The following HMCN1 variants were observed in gnomAD, a reference collection of about 807,000 sequenced individuals.
HMCN1 encodes the protein hemicentin-1.
In HMCN1, 321 loss-of-function variants were observed where a neutral mutation model predicts 625.9. The ratio of observed to expected loss-of-function variants is 0.51; its 90% CI spans 0.47 to 0.56. The LOEUF is 0.56. Among genes scored for constraint, HMCN1 ranks in the 20% least tolerant of loss-of-function variants. The pLI is 0.00. For synonymous variants in HMCN1, 2,425 were observed against 2,417.6 expected (o/e 1.00, Z -0.09); for missense variants, 6,588 against 6,887.3 (o/e 0.96, Z 1.54).
At chr1:185,973,308 G>A (rs1650960799) in intron 15 of HMCN1, among the ~76,000 whole-genome samples, 1 of 151,982 alleles carries the variant, frequency 6.6e-6, no homozygotes, top group Admixed American at 6.6e-5. Context: ...AAAATCATAT[G>A]GAAATGCCTA....
intron 83 of HMCN1, among the ~76,000 whole-genome samples, chr1:186,129,221 G>A (rs1043978406): frequency 6.7e-6 from 1 of 148,324 alleles, no homozygotes; most frequent in Non-Finnish European, 1.5e-5. Context: ...AAACTTAAAT[G>A]AGGAGAGCAT....
chr1:186,103,453 T>A lies in HMCN1; in HGVS notation c.10574-19T>A. ...ATGAAACTGTGGGTTTATTATTATT[T>A]TTGATTCCCTTTAAATAGAACCACC... On this transcript the variant is annotated intron_variant, in intron 68 of 106. Coordinates refer to ENST00000271588, the MANE Select transcript of HMCN1 (RefSeq NM_031935.3). The A allele has an allele frequency of 6.3e-7, 1 of 1,599,652 alleles. No individual in the cohort carries two copies. The highest frequency in any genetic ancestry group is 1.1e-5 in the South Asian group (1 of 90,720).
chr1:185,945,872 TAGAATTGG>T (rs1317374665), intron 11 of HMCN1, among the ~76,000 whole-genome samples: 2 of 152,194 alleles, frequency 1.3e-5, no homozygotes, highest in African/African-American at 4.8e-5. Context: ...TCTTTTGATA[TAGAATTGG>T]AGGAATCATT....
intron 57 of HMCN1, among the ~76,000 whole-genome samples, chr1:186,085,356 C>T (rs1659407576): frequency 6.6e-6 from 1 of 152,122 alleles, no homozygotes; most frequent in Non-Finnish European, 1.5e-5. Flanking sequence ...CTGGAGAAGG[C>T]TGTCCACCTG....
In HMCN1 at chr1:185,734,854, C is replaced by T. The variant is rs772823654; in HGVS notation, c.75C>T (p.Ser25=). The change falls in exon 1 of 107, where the codon AGC becomes AGT. Residue 25 remains serine, a synonymous_variant. Coordinates refer to ENST00000271588, the MANE Select transcript of HMCN1 (RefSeq NM_031935.3). ...ATTCTTCCCTAGCTCAAGATGCGAG[C>T]CCCCAGTCAGAGATCAGAGCTGAGG... ...LLYSSLAQDA[S]PQSEIRAEEI... 6.2e-7 allele frequency: 1 copy of T among 1,613,672 alleles called. No individual in the cohort carries two copies.
At chr1:185,948,616 G>A (rs1226233696) in intron 11 of HMCN1, among the ~76,000 whole-genome samples, 1 of 151,618 alleles carries the variant, frequency 6.6e-6, no homozygotes, top group Non-Finnish European at 1.5e-5. Flanking sequence ...CAGTTAAGGT[G>A]GGGCAGGGCA....
At chr1:185,825,056 G>T (rs914502892) in intron 1 of HMCN1, among the ~76,000 whole-genome samples, 5 of 152,024 alleles carry the variant, frequency 3.3e-5, no homozygotes, top group Non-Finnish European at 7.4e-5. Flanking sequence ...TAATATAATA[G>T]AAAGTAAAAA....
chr1:186,070,797 A>C, intron 52 of HMCN1, 40 bp downstream of exon 52: 4 of 1,597,312 alleles, frequency 2.5e-6, no homozygotes, highest in Non-Finnish European at 3.4e-6. Context: ...GATTTCTTAA[A>C]GACTAAAATG....
In HMCN1 at chr1:186,038,918, G is replaced by T. The variant is rs763658772; in HGVS notation, c.5941G>T (p.Ala1981Ser). 3.1e-6 allele frequency: 5 copies of T among 1,606,306 alleles called. No homozygotes were observed. The highest frequency in any genetic ancestry group is 4.3e-6 in the Non-Finnish European group (5 of 1,173,056). The part of the protein sequence containing the change: ...NRGQIIDIES[A>S]QISDAGIYKC... ...AGGACAGATCATTGATATTGAAAGTGCCCAGATCTCAGATGCTGGCATATA... is the reference window on the plus strand; with the variant it reads ...AGGACAGATCATTGATATTGAAAGTTCCCAGATCTCAGATGCTGGCATATA... The change falls in exon 38 of 107, where the codon GCC (alanine) becomes TCC (serine). Residue 1981 changes from alanine to serine, a missense_variant. This residue lies in a region of HMCN1 where 4,628 missense variants were observed against 4,853.1 expected (regional missense o/e 0.95). Transcript: ENST00000271588.
At chr1:185,970,977 C>G (rs921003254) in intron 15 of HMCN1, among the ~76,000 whole-genome samples, 1 of 151,932 alleles carries the variant, frequency 6.6e-6, no homozygotes, top group African/African-American at 2.4e-5. Context: ...AGGTACCGTT[C>G]GCTGTGTCAA....
At chr1:185,769,283 A>T (rs1018296911) in intron 1 of HMCN1, among the ~76,000 whole-genome samples, 1 of 151,634 alleles carries the variant, frequency 6.6e-6, no homozygotes, top group Non-Finnish European at 1.5e-5. Flanking sequence ...CTTCATCTTT[A>T]AAAAAAATGA....
chr1:186,072,902 C>A (rs1003783915), intron 52 of HMCN1, among the ~76,000 whole-genome samples: 5 of 152,318 alleles, frequency 3.3e-5, no homozygotes, highest in African/African-American at 1.2e-4. Context: ...ATGACACAAT[C>A]TGACTTAAGG....
At position 186,114,859 on chromosome 1, in the gene HMCN1, G is replaced by A. The variant is rs1268584037; in HGVS notation, c.11317G>A (p.Ala3773Thr). Reference sequence around the variant, plus strand: ...AAATGGATTCCTTCATATTCAATCAGCACATGTCACTGACACTGGACGGTA... The same window carrying A: ...AAATGGATTCCTTCATATTCAATCAACACATGTCACTGACACTGGACGGTA... Reference protein sequence around the residue: ...LENGFLHIQSAHVTDTGRYLC... With the variant: ...LENGFLHIQSTHVTDTGRYLC... The change falls in exon 74 of 107, where the codon GCA becomes ACA. Residue 3773 changes from alanine to threonine, a missense_variant. Ala to Thr is a moderately conservative substitution (Grantham distance 58). This residue lies in a region of HMCN1 where 4,628 missense variants were observed against 4,853.1 expected (regional missense o/e 0.95). Coordinates refer to ENST00000271588, the MANE Select transcript of HMCN1 (RefSeq NM_031935.3). The A allele has an allele frequency of 4.3e-6, 7 of 1,613,962 alleles. No individual in the cohort carries two copies. The highest frequency in any genetic ancestry group is 5.9e-6 in the Non-Finnish European group (7 of 1,179,956).
rs186125447 is a variant in HMCN1 at position 185,796,002 on chromosome 1, G to A, written c.269-50024G>A. Among the ~76,000 whole-genome samples the A allele has an allele frequency of 7.2e-5, 11 of 152,114 alleles. No individual in the cohort carries two copies. In the East Asian group the frequency reaches 2.1e-3, roughly 29 times the overall value. ...GGGTAAAGTGAAGTTTTGTTAACAC[G>A]GATATCTTATGTAGTGATAAAGCCT... On this transcript the variant is annotated intron_variant, in intron 1 of 106. Transcript: ENST00000271588.
intron 10 of HMCN1, 139 bp from the exon 11 acceptor site, chr1:185,933,410 C>T: frequency 2.5e-6 from 2 of 787,162 alleles, no homozygotes; most frequent in Non-Finnish European, 2.1e-6. Context: ...TAGACATATG[C>T]ATTAATTGAG....
At chr1:185,924,213 A>ATCTTTTT (rs1667149426) in intron 8 of HMCN1, among the ~76,000 whole-genome samples, 1 of 77,624 alleles carries the variant, frequency 1.3e-5, no homozygotes, top group Non-Finnish European at 2.6e-5. Context: ...CTCTGACCCA[A>ATCTTTTT]TCTTTTTTTT....
At chr1:185,797,226 T>G (rs1658450076) in intron 1 of HMCN1, among the ~76,000 whole-genome samples, 1 of 152,252 alleles carries the variant, frequency 6.6e-6, no homozygotes, top group Non-Finnish European at 1.5e-5. Flanking sequence ...GAATTCCTTG[T>G]AGATTCTGGA....
chr1:186,054,072 G>C, intron 44 of HMCN1, 86 bp downstream of exon 44: 1 of 1,310,252 alleles, frequency 7.6e-7, no homozygotes, highest in East Asian at 2.4e-5. Context: ...TATCTTTAAT[G>C]TTCATTCAAA....
Position 186,095,463 on chromosome 1 carries a change from C to A in HMCN1, c.10515C>A (p.Thr3505=), listed in dbSNP as rs748700604. ...AGACTGAAGATTCGGGAAAGTACAC[C>A]TGCATTGCCTCAAATGAAGCTGGAG... ...KAETEDSGKY[T]CIASNEAGEV... is the part of the protein sequence containing the mutation. The change falls in exon 68 of 107, where the codon ACC becomes ACA. Residue 3505 remains threonine (T), a synonymous_variant. Coordinates refer to ENST00000271588, the MANE Select transcript of HMCN1 (RefSeq NM_031935.3). 1.2e-6 allele frequency: 2 copies of A among 1,613,696 alleles called. No homozygotes were observed. The highest frequency in any genetic ancestry group is 2.2e-5 in the South Asian group (2 of 91,072).
Sources: allele counts gnomAD v4.1 joint callset (sites outside exome capture counted in the v4.1 genomes callset), GRCh38; gene constraint gnomAD v4.1.1; regional missense constraint gnomAD v4.1.1; transcripts MANE v1.5; gene names NCBI Gene and HGNC (gene_info 2026-07-23, HGNC 2026-07-21).